Variants in BCR observed in about 807,000 individuals in gnomAD.
BCR encodes breakpoint cluster region protein.
In BCR, 58 loss-of-function variants were observed where a neutral mutation model predicts 138.6. That is an observed-to-expected ratio of 0.42 (90% CI 0.34 to 0.52). The LOEUF (loss-of-function observed/expected upper bound fraction) is 0.52, where lower values mean the gene tolerates loss of function less well. Ranked by LOEUF, BCR falls within the 20% of genes least tolerant of loss-of-function variation. The pLI is 0.06. For missense variants in BCR, 1,599 were observed against 1,727.2 expected (o/e 0.93, Z 1.32); for synonymous variants, 786 against 730.1 (o/e 1.08, Z -1.23).
intron 1 of BCR, among the ~76,000 whole-genome samples, chr22:23,224,656 C>T (rs1602033628): frequency 1.3e-5 from 2 of 152,106 alleles, no homozygotes; most frequent in African/African-American, 2.4e-5. Flanking sequence ...CCAAGGTGGG[C>T]GGATCACTTG....
At chr22:23,281,888 G>C (rs1307910834) in intron 8 of BCR, among the ~76,000 whole-genome samples, 1 of 152,248 alleles carries the variant, frequency 6.6e-6, no homozygotes, top group Non-Finnish European at 1.5e-5. Flanking sequence ...TGAAGGCCGA[G>C]GGTGCCCCTT....
rs2072322890 is a variant in BCR, at chr22:23,185,125, C to G, written c.1279+2886C>G. On this transcript the variant is annotated intron_variant, in intron 1 of 22. Coordinates refer to ENST00000305877, the MANE Select transcript of BCR (RefSeq NM_004327.4). ...GCCCCTCATGGGCTCATCTGTCGCC[C>G]TGGGGTGGGGCTGCCCATTTACAGG... is the stretch of plus-strand genomic sequence containing the variant. 7.9e-5 allele frequency among the ~76,000 whole-genome samples: 12 copies of G among 152,278 alleles called. No homozygotes were observed. In the South Asian group the frequency reaches 2.1e-3, roughly 26 times the overall value.
chr22:23,187,252 CT>C (rs887923539), intron 1 of BCR, among the ~76,000 whole-genome samples: 133 of 128,550 alleles, frequency 1.0e-3, no homozygotes, highest in East Asian at 7.9e-3. Flanking sequence ...TTCTGAGGAT[CT>C]TTTTTTTTTA....
At chr22:23,248,089 A>G (rs1400953034) in intron 1 of BCR, among the ~76,000 whole-genome samples, 1 of 152,120 alleles carries the variant, frequency 6.6e-6, no homozygotes, top group Non-Finnish European at 1.5e-5. Context: ...CACGCTTGTA[A>G]TCCCAGCACT....
At chr22:23,222,013 C>A (rs756749719) in intron 1 of BCR, among the ~76,000 whole-genome samples, 1 of 152,110 alleles carries the variant, frequency 6.6e-6, no homozygotes, top group African/African-American at 2.4e-5. Context: ...ATCACTTGAA[C>A]CCAGGAGGCG....
chr22:23,293,093 C>T (rs190766101), intron 15 of BCR, among the ~76,000 whole-genome samples: 2 of 151,996 alleles, frequency 1.3e-5, no homozygotes, highest in East Asian at 3.9e-4. Context: ...TGTGTGTCGC[C>T]GTGCCTTCCT....
At position 23,304,754 on chromosome 22, in the gene BCR, A is replaced by C. The variant is rs1409124496; in HGVS notation, c.3013-4670A>C. Among the ~76,000 whole-genome samples the C allele has an allele frequency of 2.0e-5, 3 of 152,192 alleles. No homozygotes were observed. The East Asian group carries it at 5.8e-4, about 29-fold the overall frequency. On this transcript the variant is annotated intron_variant, in intron 16 of 22. Transcript: ENST00000305877. ...TGGTTATAGTGTATCCTAAGGGAGA[A>C]GGGTGTGTTCCTTTTGAAGTGATGT...
chr22:23,262,812 A>G, intron 4 of BCR: 1 of 1,000,978 alleles, frequency 1.0e-6, no homozygotes, highest in Non-Finnish European at 1.2e-6. Context: ...AAAGCGAGCG[A>G]GAGGGGCAAG....
chr22:23,182,290 C>T (rs752648171), intron 1 of BCR, 51 bp downstream of exon 1: 3 of 1,474,690 alleles, frequency 2.0e-6, no homozygotes, highest in South Asian at 2.6e-5. Context: ...GGGAGGAAAA[C>T]CATAGACGAG....
intron 4 of BCR, chr22:23,262,697 G>GC: frequency 5.6e-6 from 1 of 178,790 alleles, no homozygotes; most frequent in Non-Finnish European, 7.6e-6. Flanking sequence ...GGAATGGCGG[G>GC]CCCGGGTGAG....
chr22:23,292,731 G>A, intron 15 of BCR, 93 bp downstream of exon 15: 4 of 1,098,268 alleles, frequency 3.6e-6, no homozygotes, highest in Non-Finnish European at 5.3e-6. Context: ...GGCTCCCTGA[G>A]GGCTTCCCCC....
intron 8 of BCR, among the ~76,000 whole-genome samples, chr22:23,275,149 G>C (rs546893889): frequency 6.6e-6 from 1 of 152,306 alleles, no homozygotes; most frequent in South Asian, 2.1e-4. Context: ...AGTCTAATCC[G>C]AGTTGACCTT....
At chr22:23,182,601 G>A (rs1157825295) in intron 1 of BCR, among the ~76,000 whole-genome samples, 5 of 152,212 alleles carry the variant, frequency 3.3e-5, no homozygotes, top group Admixed American at 2.6e-4. Flanking sequence ...CAGTGAGGAT[G>A]GCATAAAAGC....
At chr22:23,190,133 G>A (rs2072395393) in intron 1 of BCR, among the ~76,000 whole-genome samples, 2 of 152,078 alleles carry the variant, frequency 1.3e-5, no homozygotes, top group Admixed American at 1.3e-4. Context: ...CTCTGTGCAT[G>A]AACTCCCCTG....
At chr22:23,296,537 C>T (rs1303473701) in intron 16 of BCR, among the ~76,000 whole-genome samples, 2 of 152,200 alleles carry the variant, frequency 1.3e-5, no homozygotes, top group Non-Finnish European at 2.9e-5. Flanking sequence ...CCACCCTGGC[C>T]TGGCTGGCCA....
chr22:23,284,904 A>G, intron 9 of BCR, 129 bp from the exon 10 acceptor site: 2 of 1,004,258 alleles, frequency 2.0e-6, no homozygotes. Context: ...CCCATGGAAC[A>G]CGTGCTGGGT....
chr22:23,192,359 T>C (rs1170439675), intron 1 of BCR, among the ~76,000 whole-genome samples: 1 of 152,114 alleles, frequency 6.6e-6, no homozygotes, highest in African/African-American at 2.4e-5. Context: ...CAGAATGACT[T>C]TGCGGAGGTG....
At chr22:23,208,759 G>A (rs954958384) in intron 1 of BCR, among the ~76,000 whole-genome samples, 1 of 152,314 alleles carries the variant, frequency 6.6e-6, no homozygotes, top group Admixed American at 6.5e-5. Context: ...GGAGGCTGAG[G>A]CAGGAGAATC....
chr22:23,217,079 G>A, intron 1 of BCR: 2 of 448,498 alleles, frequency 4.5e-6, no homozygotes, highest in South Asian at 3.2e-5. Context: ...AGGGGCTCTG[G>A]TGATTGCTCC....
Sources: gnomAD v4.1 joint callset for allele counts (sites outside exome capture counted in the v4.1 genomes callset) on GRCh38, gnomAD v4.1.1 for gene constraint, MANE v1.5 for transcripts, NCBI Gene and HGNC (gene_info 2026-07-23, HGNC 2026-07-21) for gene names.